The following CLMN variants were observed in gnomAD, a reference collection of about 807,000 sequenced individuals.
CLMN encodes calmin (calponin-like, transmembrane).
Under a neutral mutation model 92.7 loss-of-function variants are expected in CLMN, and 57 were observed. That is an observed-to-expected ratio of 0.61 (90% CI 0.50 to 0.77). The LOEUF is 0.77. Ranked by LOEUF, CLMN falls within the 30% of genes least tolerant of loss-of-function variation. The probability of loss-of-function intolerance (pLI) is 0.00; values close to 1 mark genes in which losing one functional copy is unlikely to be tolerated. For synonymous variants in CLMN, 466 were observed against 470.6 expected (o/e 0.99, Z 0.13); for missense variants, 1,158 against 1,237.5 (o/e 0.94, Z 0.96).
chr14:95,247,590 A>G (rs1199626938), intron 1 of CLMN, among the ~76,000 whole-genome samples: 1 of 152,160 alleles, frequency 6.6e-6, no homozygotes, highest in African/African-American at 2.4e-5. Flanking sequence ...AGGCACTATC[A>G]TTATGGTGTG....
At chr14:95,215,831 G>A in intron 4 of CLMN, 98 bp from the exon 5 acceptor site, 1 of 481,320 alleles carries the variant, frequency 2.1e-6, no homozygotes, top group Non-Finnish European at 3.8e-6. Flanking sequence ...GTGTGTGTGT[G>A]TGTGTGTGTG....
intron 1 of CLMN, among the ~76,000 whole-genome samples, chr14:95,240,694 G>T (rs969008228): frequency 1.3e-5 from 2 of 152,186 alleles, no homozygotes; most frequent in South Asian, 4.1e-4. Context: ...TAGGCAAAGC[G>T]CAAGGAAGGA....
At chr14:95,234,029 G>A (rs1897970769) in intron 1 of CLMN, among the ~76,000 whole-genome samples, 1 of 152,224 alleles carries the variant, frequency 6.6e-6, no homozygotes, top group Non-Finnish European at 1.5e-5. Flanking sequence ...GGGACGCATT[G>A]CTCAATACAC....
chr14:95,294,683 C>T lies in CLMN; in HGVS notation c.82+25028G>A, dbSNP rs1205509120. ...CCTTTGCACACCCCTCCTCCTACTT[C>T]ATCTTCCTTTCTCTCCCTGCCCTGT... On this transcript the variant is annotated intron_variant, in intron 1 of 12. Transcript: ENST00000298912. The surrounding 1 kb of genome is among the most constrained non-coding windows in gnomAD (Gnocchi z 4.2). 6.6e-6 allele frequency among the ~76,000 whole-genome samples: 1 copy of T among 152,224 alleles called. No individual in the cohort carries two copies. The highest frequency in any genetic ancestry group is 2.4e-5 in the African/African-American group (1 of 41,458).
intron 1 of CLMN, among the ~76,000 whole-genome samples, chr14:95,257,422 T>C (rs1899045466): frequency 6.6e-6 from 1 of 152,252 alleles, no homozygotes; most frequent in South Asian, 2.1e-4. Context: ...CAGGAGCCAT[T>C]TGTTTTGTTC....
At chr14:95,232,638 C>T (rs745803497) in intron 1 of CLMN, among the ~76,000 whole-genome samples, 9 of 152,062 alleles carry the variant, frequency 5.9e-5, no homozygotes, top group Admixed American at 1.3e-4. Context: ...CTGTGTTTCA[C>T]GGGTGAGAGG....
rs1898495821 is a variant in CLMN at position 95,245,262 on chromosome 14, T to TATATTATATATATATATA, written c.83-15130_83-15129insTATATATATATATAATAT. Reference sequence around the variant, plus strand: ...ATTATATATATATATATAATATATATATATATATTATATATATATAGTTTT... The same window carrying TATATTATATATATATATA: ...ATTATATATATATATATAATATATATATATTATATATATATATAATATATATTATATATATATAGTTTT... On this transcript the variant is annotated intron_variant, in intron 1 of 12. Coordinates refer to ENST00000298912, the MANE Select transcript of CLMN (RefSeq NM_024734.4). Among the ~76,000 whole-genome samples, 5 of 43,000 alleles carry TATATTATATATATATATA rather than the reference T, an allele frequency of 1.2e-4. 1 individual carries two copies. Among genetic ancestry groups the TATATTATATATATATATA allele is most frequent in the African/African-American group, 6.9e-4 (5 of 7,284 alleles). 28.2% of individuals were successfully genotyped at this position (43,000 alleles called of 152,430 possible). A position where few individuals can be genotyped will look rare whatever the true frequency, so the allele number is the denominator to read the frequency against.
At chr14:95,284,581 T>A (rs1191756806) in intron 1 of CLMN, among the ~76,000 whole-genome samples, 1 of 152,196 alleles carries the variant, frequency 6.6e-6, no homozygotes, top group African/African-American at 2.4e-5. Context: ...ACCCACCTCT[T>A]GCATCAGCAT....
At position 95,203,847 on chromosome 14, in the gene CLMN, T is replaced by C. The variant is rs754274028; in HGVS notation, c.1502A>G (p.Asn501Ser). ...ATTACAGGAAGAAGACTGAGAATTA[T>C]TGTTTGTGCCCTCCACCAAAAAAAT... ...GDIFLVEGTN[N>S]NSQSSSCNGA... The change falls in exon 9 of 13, where the codon AAT becomes AGT. Residue 501 changes from asparagine (N) to serine (S), a missense_variant. Coordinates refer to ENST00000298912, the MANE Select transcript of CLMN (RefSeq NM_024734.4). 13 of 1,614,066 alleles carry C rather than the reference T, an allele frequency of 8.1e-6. No individual in the cohort carries two copies. Among genetic ancestry groups the C allele is most frequent in the East Asian group, 4.5e-5 (2 of 44,892 alleles).
chr14:95,283,970 CAGAGA>C (rs2140745582), intron 1 of CLMN, among the ~76,000 whole-genome samples: 1 of 152,318 alleles, frequency 6.6e-6, no homozygotes, highest in East Asian at 1.9e-4. Flanking sequence ...CAGGCCACGT[CAGAGA>C]CCTTCATGGC....
At position 95,260,811 on chromosome 14, in the gene CLMN, A is replaced by G. The variant is rs368134420; in HGVS notation, c.83-30678T>C. Among the ~76,000 whole-genome samples, 192 of 152,306 alleles carry G rather than the reference A, an allele frequency of 1.3e-3. 3 individuals are homozygous for G. The highest frequency in any genetic ancestry group is 4.4e-3 in the African/African-American group (184 of 41,564). On this transcript the variant is annotated intron_variant, in intron 1 of 12. Transcript: ENST00000298912. ...TTTATCTCCATTGTCCAAATGAAAT[A>G]CAGTTGATTCTCATCATTCACAGTA...
In CLMN at chr14:95,277,379, T is replaced by A. The variant is rs185495104; in HGVS notation, c.82+42332A>T. 9.2e-5 allele frequency among the ~76,000 whole-genome samples: 14 copies of A among 152,356 alleles called. No individual in the cohort carries two copies. In the East Asian group the frequency reaches 2.7e-3, roughly 29 times the overall value. On this transcript the variant is annotated intron_variant, in intron 1 of 12. Transcript: ENST00000298912. The stretch of plus-strand genomic sequence containing the variant: ...ACAAAAACTGGATGAGGTTTCCCTC[T>A]CATCTTGTTTTATGTCCTTGGGAGC...
Position 95,196,044 on chromosome 14 carries a change from C to T in CLMN, c.2708+454G>A, listed in dbSNP as rs116399876. The stretch of plus-strand genomic sequence containing the variant: ...AGAAGCCATAATATTAATGAGATGT[C>T]CAGCTTCCACGTGCCAGACATTAAT... On this transcript the variant is annotated intron_variant, in intron 10 of 12. Transcript: ENST00000298912. Among the ~76,000 whole-genome samples the T allele has an allele frequency of 7.8e-3, 1,188 of 152,282 alleles. 12 individuals carry two copies. The highest frequency in any genetic ancestry group is 0.027 in the African/African-American group (1,127 of 41,554).
chr14:95,242,243 T>C (rs1898271550), intron 1 of CLMN, among the ~76,000 whole-genome samples: 1 of 138,898 alleles, frequency 7.2e-6, no homozygotes, highest in Non-Finnish European at 1.5e-5. Context: ...TTTTCTTTTT[T>C]CTTTTTCTTT....
chr14:95,213,213 G>C lies in CLMN; in HGVS notation c.608+6C>G. 1 of 1,612,760 alleles carries C rather than the reference G, an allele frequency of 6.2e-7. No individual in the cohort carries two copies. The highest frequency in any genetic ancestry group is 8.5e-7 in the Non-Finnish European group (1 of 1,179,460). ...AAGTAGTGTGGGGAGAGGGGCTGCG[G>C]CTTACTTTCTCGTTTTCCTCTGCAC... On this transcript the variant is annotated splice_donor_region_variant and intron_variant, in intron 6 of 12. Coordinates refer to ENST00000298912, the MANE Select transcript of CLMN (RefSeq NM_024734.4).
In CLMN at chr14:95,194,484, A is replaced by G; in HGVS notation, c.2769+52T>C. The G allele has an allele frequency of 6.2e-7, 1 of 1,613,654 alleles. No homozygotes were observed. The highest frequency in any genetic ancestry group is 1.1e-5 in the South Asian group (1 of 91,052). The stretch of plus-strand genomic sequence containing the variant: ...GGGCTGGGGAGGAGGAAGGATGGAA[A>G]GGAATTGATTAGCAGGGGCCGTGCG... On this transcript the variant is annotated intron_variant, in intron 11 of 12. Transcript: ENST00000298912. The surrounding 1 kb of genome is among the most constrained non-coding windows in gnomAD (Gnocchi z 4.0).
chr14:95,316,783 C>T (rs1566929291), intron 1 of CLMN, among the ~76,000 whole-genome samples: 1 of 152,196 alleles, frequency 6.6e-6, no homozygotes, highest in South Asian at 2.1e-4. Flanking sequence ...AGGGCTACCC[C>T]TCATTAATGA....
intron 9 of CLMN, among the ~76,000 whole-genome samples, chr14:95,197,718 A>G (rs1289368824): frequency 6.6e-6 from 1 of 152,300 alleles, no homozygotes; most frequent in African/African-American, 2.4e-5. Flanking sequence ...AAGGCTCCCG[A>G]GTGAAATGCA....
intron 10 of CLMN, 66 bp downstream of exon 10, chr14:95,196,431 AG>A: frequency 6.7e-7 from 1 of 1,490,856 alleles, no homozygotes; most frequent in South Asian, 1.3e-5. Context: ...CCATCAAATC[AG>A]AAACTGCAAA....
Sources: allele counts gnomAD v4.1 joint callset (sites outside exome capture counted in the v4.1 genomes callset), GRCh38; gene constraint gnomAD v4.1.1; non-coding constraint Gnocchi (gnomAD v3.1); transcripts MANE v1.5; gene names NCBI Gene and HGNC (gene_info 2026-07-23, HGNC 2026-07-21).